The following BABAM2 variants were observed in gnomAD, a reference collection of about 807,000 sequenced individuals.
The protein encoded by BABAM2 is BRISC and BRCA1 A complex member 2, also known as BRISC and BRCA1-A complex member 2.
In BABAM2, 31 loss-of-function variants were observed where a neutral mutation model predicts 54.7. The ratio of observed to expected loss-of-function variants is 0.57; its 90% CI spans 0.43 to 0.77. BABAM2 has a LOEUF of 0.77. Ranked by LOEUF, BABAM2 falls within the 30% of genes least tolerant of loss-of-function variation. BABAM2 has a pLI of 0.00. For missense variants in BABAM2, 364 were observed against 455.8 expected (o/e 0.80, Z 1.83); for synonymous variants, 167 against 162.9 (o/e 1.03, Z -0.19).
chr2:28,213,819 T>G (rs1679687333), intron 7 of BABAM2, among the ~76,000 whole-genome samples: 1 of 152,104 alleles, frequency 6.6e-6, no homozygotes, highest in Admixed American at 6.5e-5. Flanking sequence ...ATTGATTGCT[T>G]GGATATAAAA....
rs1312409882 is a variant in BABAM2, at chr2:28,297,005, T to A, written c.935-1333T>A. On this transcript the variant is annotated intron_variant, in intron 10 of 11. Transcript: ENST00000379624. The stretch of plus-strand genomic sequence containing the variant: ...GCCTGGCCTAATTATCTGGTATGTA[T>A]TTTTAAATATATCTTCCTCATGTAG... 2.0e-5 allele frequency among the ~76,000 whole-genome samples: 3 copies of A among 152,268 alleles called. No individual in the cohort carries two copies. In the South Asian group the frequency reaches 6.2e-4, roughly 32 times the overall value.
rs931264425 is a variant in BABAM2 at position 28,325,091 on chromosome 2, A to C, written c.1089-13359A>C. Among the ~76,000 whole-genome samples, 12 of 152,074 alleles carry C rather than the reference A, an allele frequency of 7.9e-5. No individual in the cohort carries two copies. The highest frequency in any genetic ancestry group is 1.5e-4 in the Non-Finnish European group (10 of 68,000). On this transcript the variant is annotated intron_variant, in intron 11 of 11. Transcript: ENST00000379624. The surrounding 1 kb of genome is among the most constrained non-coding windows in gnomAD (Gnocchi z 4.3). ...GCCACATACAGTGCACTCTGATTTT[A>C]TTTCACTTTATTTTAATGCTGCTCA...
chr2:28,336,056 A>G (rs1034390413), intron 11 of BABAM2, among the ~76,000 whole-genome samples: 2 of 152,160 alleles, frequency 1.3e-5, no homozygotes, highest in African/African-American at 4.8e-5. Flanking sequence ...CCAGGCTGAG[A>G]GTTTGGAGGA....
At chr2:28,119,965 A>G (rs1200363096) in intron 6 of BABAM2, among the ~76,000 whole-genome samples, 1 of 152,162 alleles carries the variant, frequency 6.6e-6, no homozygotes, top group Non-Finnish European at 1.5e-5. Context: ...ACTGTACATT[A>G]TTACAGGAAG....
intron 7 of BABAM2, among the ~76,000 whole-genome samples, chr2:28,138,701 G>A (rs1670755137): frequency 6.6e-6 from 1 of 151,770 alleles, no homozygotes; most frequent in Admixed American, 6.6e-5. Context: ...TTCATTAATG[G>A]CTTTACCCTC....
At chr2:27,897,715 T>G (rs2148267227) in intron 2 of BABAM2, among the ~76,000 whole-genome samples, 1 of 152,190 alleles carries the variant, frequency 6.6e-6, no homozygotes, top group African/African-American at 2.4e-5. Flanking sequence ...TCAGACAGAC[T>G]TCCCCAGCTT....
chr2:28,113,209 A>G (rs1310068731), intron 6 of BABAM2, among the ~76,000 whole-genome samples: 1 of 152,186 alleles, frequency 6.6e-6, no homozygotes, highest in Non-Finnish European at 1.5e-5. Context: ...TAGTTTAATT[A>G]GATCCCATTT....
rs541090674 is a variant in BABAM2, at chr2:28,194,802, C to T, written c.681-42400C>T. On this transcript the variant is annotated intron_variant, in intron 7 of 11. Coordinates refer to ENST00000379624, the MANE Select transcript of BABAM2 (RefSeq NM_199191.3). ...CTCGAACTCCTAACCTCAGGTGATC[C>T]GCCTGTCTCGGCCTCCCAAAGTGCT... 3.9e-5 allele frequency among the ~76,000 whole-genome samples: 6 copies of T among 152,118 alleles called. No homozygotes were observed. The South Asian group carries it at 6.2e-4, about 16-fold the overall frequency.
intron 10 of BABAM2, among the ~76,000 whole-genome samples, chr2:28,282,426 G>T (rs576161479): frequency 1.3e-5 from 2 of 152,156 alleles, no homozygotes; most frequent in South Asian, 4.1e-4. Flanking sequence ...TGGCTGAAAT[G>T]GTAGATCAGC....
chr2:28,202,185 A>G (rs1678348211), intron 7 of BABAM2, among the ~76,000 whole-genome samples: 1 of 152,226 alleles, frequency 6.6e-6, no homozygotes, highest in South Asian at 2.1e-4. Context: ...CCTAGAGAAG[A>G]TGCCAGAAAG....
chr2:28,173,253 T>C (rs1674556220), intron 7 of BABAM2, among the ~76,000 whole-genome samples: 1 of 152,206 alleles, frequency 6.6e-6, no homozygotes, highest in South Asian at 2.1e-4. Context: ...ACCATTTACT[T>C]CTGATAAGAC....
At chr2:28,217,380 T>A (rs548085202) in intron 7 of BABAM2, among the ~76,000 whole-genome samples, 1 of 152,368 alleles carries the variant, frequency 6.6e-6, no homozygotes, top group Admixed American at 6.5e-5. Context: ...TCAAAAGTAC[T>A]GTATGGGTCA....
intron 10 of BABAM2, among the ~76,000 whole-genome samples, chr2:28,269,850 A>T (rs536249765): frequency 0.013 from 1,946 of 146,520 alleles, 29 homozygotes; most frequent in Non-Finnish European, 0.021. Flanking sequence ...TTTTCTTGTC[A>T]TTTTTTTTTT....
At chr2:28,064,159 G>GACCCATAGTAGTCCTGTCAACA (rs1359182160) in intron 6 of BABAM2, among the ~76,000 whole-genome samples, 1 of 152,188 alleles carries the variant, frequency 6.6e-6, no homozygotes, top group Admixed American at 6.5e-5. Context: ...TTTTAGTGGA[G>GACCCATAGTAGTCCTGTCAACA]ACCCATAGTA....
At chr2:28,195,481 C>G (rs1182362814) in intron 7 of BABAM2, among the ~76,000 whole-genome samples, 1 of 152,050 alleles carries the variant, frequency 6.6e-6, no homozygotes, top group Non-Finnish European at 1.5e-5. Flanking sequence ...CATGAGAATT[C>G]TAAAGTTTAA....
intron 3 of BABAM2, among the ~76,000 whole-genome samples, chr2:27,932,211 C>T (rs915788489): frequency 7.2e-5 from 11 of 151,958 alleles, no homozygotes; most frequent in Non-Finnish European, 1.3e-4. Flanking sequence ...TTAGCCCATC[C>T]GATAATTTTT....
At chr2:28,237,366 A>T in intron 8 of BABAM2, 65 bp downstream of exon 8, 1 of 1,415,746 alleles carries the variant, frequency 7.1e-7, no homozygotes, top group Non-Finnish European at 9.9e-7. Flanking sequence ...CACGTACCCA[A>T]AATCATCGTG....
intron 6 of BABAM2, among the ~76,000 whole-genome samples, chr2:28,099,763 G>A (rs1666919436): frequency 1.3e-5 from 2 of 151,954 alleles, no homozygotes; most frequent in African/African-American, 4.8e-5. Context: ...TTGGCTATAG[G>A]CATCTTTGAA....
chr2:27,940,712 C>G (rs565405572), intron 3 of BABAM2, among the ~76,000 whole-genome samples: 7 of 152,122 alleles, frequency 4.6e-5, no homozygotes, highest in Non-Finnish European at 7.4e-5. Flanking sequence ...AAGAAACCCA[C>G]TGGAACTAAC....
Sources: allele counts gnomAD v4.1 joint callset (sites outside exome capture counted in the v4.1 genomes callset), GRCh38; gene constraint gnomAD v4.1.1; non-coding constraint Gnocchi (gnomAD v3.1); transcripts MANE v1.5; gene names NCBI Gene and HGNC (gene_info 2026-07-23, HGNC 2026-07-21).